Variants in ADAMTS6 observed in about 807,000 individuals in gnomAD.
ADAMTS6 encodes the protein A disintegrin and metalloproteinase with thrombospondin motifs 6.
ADAMTS6 carries 23 observed loss-of-function variants against 144.3 expected under a neutral mutation model. The ratio of observed to expected loss-of-function variants is 0.16; its 90% CI spans 0.11 to 0.23. ADAMTS6 has a LOEUF of 0.23. Among genes scored for constraint, ADAMTS6 ranks in the 10% least tolerant of loss-of-function variants. The probability of loss-of-function intolerance (pLI) is 1.00; values close to 1 mark genes in which losing one functional copy is unlikely to be tolerated. For missense variants in ADAMTS6, 999 were observed against 1,379.6 expected (o/e 0.72, Z 4.37); for synonymous variants, 444 against 457.5 (o/e 0.97, Z 0.38).
intron 12 of ADAMTS6, among the ~76,000 whole-genome samples, chr5:65,271,479 C>G (rs1318244619): frequency 2.0e-5 from 3 of 150,592 alleles, no homozygotes; most frequent in Non-Finnish European, 4.4e-5. Context: ...GAGAGTATTT[C>G]TAGTTATCCC....
chr5:65,287,122 T>C (rs1741748569), intron 11 of ADAMTS6, among the ~76,000 whole-genome samples: 1 of 152,216 alleles, frequency 6.6e-6, no homozygotes, highest in Admixed American at 6.5e-5. Flanking sequence ...GGTAAGAATC[T>C]AGCTTTGCAG....
chr5:65,220,614 G>A (rs981847788), intron 18 of ADAMTS6, among the ~76,000 whole-genome samples: 2 of 152,144 alleles, frequency 1.3e-5, no homozygotes, highest in Non-Finnish European at 1.5e-5. Flanking sequence ...GGGCGTCAAC[G>A]TGGGTGCCTG....
chr5:65,189,286 A>T (rs1754855308), intron 21 of ADAMTS6, among the ~76,000 whole-genome samples: 1 of 152,138 alleles, frequency 6.6e-6, no homozygotes. Context: ...CACATTAATT[A>T]GTCTAAGGGA....
intron 4 of ADAMTS6, among the ~76,000 whole-genome samples, chr5:65,459,024 G>A (rs987167739): frequency 3.3e-5 from 5 of 150,946 alleles, no homozygotes; most frequent in Admixed American, 1.3e-4. Context: ...CTTCATTTTC[G>A]TCTTTTTTTT....
chr5:65,224,856 C>T (rs537097978), intron 17 of ADAMTS6, 68 bp downstream of exon 17: 6 of 1,478,944 alleles, frequency 4.1e-6, no homozygotes, highest in South Asian at 1.5e-5. Flanking sequence ...CAGGGGGAGG[C>T]GAAGCGAGGG....
intron 7 of ADAMTS6, among the ~76,000 whole-genome samples, chr5:65,393,204 T>C (rs953918316): frequency 3.9e-5 from 6 of 152,200 alleles, no homozygotes; most frequent in African/African-American, 1.2e-4. Context: ...ATTACATGTA[T>C]TGGACATATG....
chr5:65,238,375 T>C (rs888670359), intron 15 of ADAMTS6, among the ~76,000 whole-genome samples: 8 of 151,996 alleles, frequency 5.3e-5, no homozygotes, highest in African/African-American at 1.9e-4. Flanking sequence ...GGTCGAGTCA[T>C]GTGGATCACT....
At chr5:65,437,307 G>T (rs1271715880) in intron 7 of ADAMTS6, among the ~76,000 whole-genome samples, 1 of 152,024 alleles carries the variant, frequency 6.6e-6, no homozygotes, top group Non-Finnish European at 1.5e-5. Flanking sequence ...CGTTAGCTAG[G>T]ATGGTCTCGA....
chr5:65,424,927 G>A (rs759247517), intron 7 of ADAMTS6, among the ~76,000 whole-genome samples: 1 of 151,874 alleles, frequency 6.6e-6, no homozygotes. Context: ...ATTTAATTCC[G>A]CTGTATAATT....
At chr5:65,158,568 T>G (rs1464695091) in intron 24 of ADAMTS6, among the ~76,000 whole-genome samples, 2 of 128,274 alleles carry the variant, frequency 1.6e-5, no homozygotes, top group Non-Finnish European at 3.4e-5. Flanking sequence ...GCATTTTGGA[T>G]AGAATTTCAG....
At chr5:65,389,950 G>C (rs1345803668) in intron 7 of ADAMTS6, among the ~76,000 whole-genome samples, 1 of 152,062 alleles carries the variant, frequency 6.6e-6, no homozygotes, top group Admixed American at 6.5e-5. Context: ...GAAAACAACA[G>C]GATGTAGAGT....
chr5:65,376,642 G>A (rs1447987348), intron 7 of ADAMTS6, among the ~76,000 whole-genome samples: 1 of 151,976 alleles, frequency 6.6e-6, no homozygotes, highest in Non-Finnish European at 1.5e-5. Context: ...ACTATCCTGA[G>A]CAATGTGACA....
rs1375289919 is a variant in ADAMTS6, at chr5:65,471,148, T to C, written c.98-6A>G. 6 of 1,576,068 alleles carry C rather than the reference T, an allele frequency of 3.8e-6. No individual in the cohort carries two copies. The highest frequency in any genetic ancestry group is 5.1e-6 in the Non-Finnish European group (6 of 1,169,568). On this transcript the variant is annotated splice_polypyrimidine_tract_variant and splice_region_variant and intron_variant, in intron 2 of 24. Coordinates refer to ENST00000381055, the MANE Select transcript of ADAMTS6 (RefSeq NM_197941.4). ...AAGATAAGTCAGGAATTCCTCTTTGTAATCACAAGGCAGAGAATCCAGAAA... is the reference window on the plus strand; with the variant it reads ...AAGATAAGTCAGGAATTCCTCTTTGCAATCACAAGGCAGAGAATCCAGAAA...
At chr5:65,430,904 C>T (rs12163948) in intron 7 of ADAMTS6, among the ~76,000 whole-genome samples, 59,652 of 151,906 alleles carry the variant, frequency 0.39, 12,069 homozygotes, top group South Asian at 0.44. Context: ...AGTTACTGTT[C>T]CTCTCTACCC....
intron 7 of ADAMTS6, among the ~76,000 whole-genome samples, chr5:65,414,503 G>A (rs536053194): frequency 2.0e-5 from 3 of 151,868 alleles, no homozygotes; most frequent in African/African-American, 7.3e-5. Context: ...TTTATCTTAG[G>A]GAAAAAATGC....
At chr5:65,308,151 C>G (rs548967008) in intron 9 of ADAMTS6, among the ~76,000 whole-genome samples, 3 of 152,144 alleles carry the variant, frequency 2.0e-5, no homozygotes, top group Non-Finnish European at 4.4e-5. Context: ...GTACTGGGAA[C>G]TAGACCAACT....
intron 7 of ADAMTS6, among the ~76,000 whole-genome samples, chr5:65,439,873 C>T (rs990327702): frequency 3.3e-5 from 5 of 152,136 alleles, no homozygotes; most frequent in Non-Finnish European, 7.4e-5. Flanking sequence ...GGCATGATTT[C>T]GGTTCACTGC....
chr5:65,357,873 C>A (rs1041218696), intron 7 of ADAMTS6, among the ~76,000 whole-genome samples: 1 of 151,778 alleles, frequency 6.6e-6, no homozygotes, highest in Non-Finnish European at 1.5e-5. Context: ...AAACTCCAGA[C>A]TAATGGCTTC....
At chr5:65,333,231 GA>G (rs375096844) in intron 8 of ADAMTS6, among the ~76,000 whole-genome samples, 1,572 of 151,806 alleles carry the variant, frequency 0.01, 19 homozygotes, top group Non-Finnish European at 0.015. Context: ...AAAAAATTGA[GA>G]AAAAAAGCTT....
Sources: allele counts gnomAD v4.1 joint callset (sites outside exome capture counted in the v4.1 genomes callset), GRCh38; gene constraint gnomAD v4.1.1; transcripts MANE v1.5; gene names NCBI Gene and HGNC (gene_info 2026-07-23, HGNC 2026-07-21).